CDH18: variants seen among roughly 807,000 people sequenced by gnomAD.
CDH18 encodes the protein cadherin-18.
CDH18 carries 31 observed loss-of-function variants against 67.9 expected under a neutral mutation model. That is an observed-to-expected ratio of 0.46 (90% confidence interval 0.34 to 0.62). CDH18 has a LOEUF of 0.62. Ranked by LOEUF, CDH18 falls within the 20% of genes least tolerant of loss-of-function variation. CDH18 has a pLI of 0.01. For missense variants in CDH18, 890 were observed against 975.5 expected, an observed-to-expected ratio of 0.91 and a Z score of 1.17; for synonymous variants, 362 against 347.2, an observed-to-expected ratio of 1.04 and a Z score of -0.48.
chr5:20,241,817 A>T (rs569761275), intron 2 of CDH18, among the ~76,000 whole-genome samples: 102 of 149,276 alleles, frequency 6.8e-4, no homozygotes, highest in Admixed American at 2.8e-3. Flanking sequence ...GCGCCACTGC[A>T]CTCCAGCCTG....
In CDH18 at chr5:19,528,564, A is replaced by G. The variant is rs141595234; in HGVS notation, c.1391-7786T>C. On this transcript the variant is annotated intron_variant, in intron 9 of 12. Coordinates refer to ENST00000382275, the MANE Select transcript of CDH18 (RefSeq NM_004934.5). ...ATGCATAATTATTCATCAAACTGCA[A>G]TCTCTCAATGTAGGAGTATGGACCT... Among the ~76,000 whole-genome samples the G allele has an allele frequency of 4.3e-3, 651 of 151,942 alleles. 8 individuals carry two copies. Among genetic ancestry groups the G allele is most frequent in the African/African-American group, 0.015 (608 of 41,550 alleles).
intron 1 of CDH18, among the ~76,000 whole-genome samples, chr5:20,420,319 CA>C (rs1747762829): frequency 6.6e-6 from 1 of 151,056 alleles, no homozygotes; most frequent in Admixed American, 6.6e-5. Context: ...TAAATCCATC[CA>C]CTAGAAATGA....
chr5:19,497,496 A>T lies in CDH18; in HGVS notation c.1630+5496T>A, dbSNP rs150318415. Among the ~76,000 whole-genome samples the T allele has an allele frequency of 2.6e-5, 4 of 152,314 alleles. No homozygotes were observed. The South Asian group carries it at 8.3e-4, about 32-fold the overall frequency. ...AACATGATGGAACATTAAAGAAGAC[A>T]TTTGTTCTGCAACGTTCAGGTGAAT... On this transcript the variant is annotated intron_variant, in intron 11 of 12. Transcript: ENST00000382275.
At chr5:20,202,744 C>A (rs1739551594) in intron 2 of CDH18, among the ~76,000 whole-genome samples, 1 of 151,810 alleles carries the variant, frequency 6.6e-6, no homozygotes, top group South Asian at 2.1e-4. Flanking sequence ...TTACCATTAG[C>A]TTTAATATTT....
At chr5:20,309,868 C>T (rs1344947081) in intron 1 of CDH18, among the ~76,000 whole-genome samples, 1 of 152,102 alleles carries the variant, frequency 6.6e-6, no homozygotes, top group East Asian at 1.9e-4. Context: ...AGTTCTGTCT[C>T]TATACTTTTT....
At chr5:19,488,995 T>C (rs1210876010) in intron 11 of CDH18, among the ~76,000 whole-genome samples, 1 of 152,128 alleles carries the variant, frequency 6.6e-6, no homozygotes, top group African/African-American at 2.4e-5. Flanking sequence ...TGTCATTATG[T>C]TCTGATCTGC....
intron 2 of CDH18, among the ~76,000 whole-genome samples, chr5:20,018,799 CTT>C (rs34748553): frequency 6.9e-6 from 1 of 144,594 alleles, no homozygotes; most frequent in Non-Finnish European, 1.5e-5. Flanking sequence ...ATAAGGCATT[CTT>C]TTTTTTTTTT....
At chr5:20,525,513 C>G (rs1012875807) in intron 1 of CDH18, among the ~76,000 whole-genome samples, 6 of 152,092 alleles carry the variant, frequency 3.9e-5, no homozygotes, top group Non-Finnish European at 8.8e-5. Flanking sequence ...TATGCCTGCC[C>G]TGCCTTCTTC....
At chr5:19,970,156 CAAG>C in intron 2 of CDH18, among the ~76,000 whole-genome samples, 1 of 150,842 alleles carries the variant, frequency 6.6e-6, no homozygotes, top group East Asian at 1.9e-4. Flanking sequence ...TCCAGGGCAG[CAAG>C]AATAAAAAAG....
chr5:19,629,647 C>T (rs527737487), intron 5 of CDH18, among the ~76,000 whole-genome samples: 20 of 152,200 alleles, frequency 1.3e-4, no homozygotes, highest in South Asian at 4.1e-4. Flanking sequence ...CTGGATATTT[C>T]GACTGCATAT....
chr5:19,973,199 A>G (rs1340788425), intron 2 of CDH18, among the ~76,000 whole-genome samples: 2 of 152,140 alleles, frequency 1.3e-5, no homozygotes, highest in Non-Finnish European at 2.9e-5. Context: ...TTTTCAATGG[A>G]AAAATACTGT....
intron 2 of CDH18, among the ~76,000 whole-genome samples, chr5:20,217,345 A>C (rs1740862396): frequency 6.6e-6 from 1 of 152,042 alleles, no homozygotes; most frequent in Non-Finnish European, 1.5e-5. Flanking sequence ...ATACAATGAG[A>C]TACAACAGAA....
intron 3 of CDH18, among the ~76,000 whole-genome samples, chr5:19,828,717 G>A (rs1045202602): frequency 2.0e-5 from 3 of 152,094 alleles, no homozygotes; most frequent in African/African-American, 4.8e-5. Flanking sequence ...CTCAACAAAC[G>A]AGGCACTGAA....
At chr5:19,667,507 T>TATAC (rs375306723) in intron 5 of CDH18, among the ~76,000 whole-genome samples, 2,738 of 129,174 alleles carry the variant, frequency 0.021, 33 homozygotes, top group Middle Eastern at 0.024. Flanking sequence ...TATATATATA[T>TATAC]ACACACACAC....
intron 1 of CDH18, among the ~76,000 whole-genome samples, chr5:20,295,603 T>C (rs1467871168): frequency 6.6e-6 from 1 of 151,676 alleles, no homozygotes; most frequent in East Asian, 2.0e-4. Flanking sequence ...GGCGTGCACC[T>C]GTAGTCCCGG....
chr5:20,295,872 CT>C (rs35024141), intron 1 of CDH18, among the ~76,000 whole-genome samples: 40,210 of 108,620 alleles, frequency 0.37, 3,892 homozygotes, highest in Middle Eastern at 0.53. Context: ...TCTTTTTTTT[CT>C]TTTTTTTTTT....
intron 3 of CDH18, among the ~76,000 whole-genome samples, chr5:19,787,269 A>T (rs1292300902): frequency 2.0e-5 from 3 of 152,054 alleles, no homozygotes; most frequent in African/African-American, 7.3e-5. Flanking sequence ...CGTGGTCAAC[A>T]AAGTGAAACC....
At position 20,384,906 on chromosome 5, in the gene CDH18, G is replaced by A. The variant is rs374911558; in HGVS notation, c.-579-129401C>T. On this transcript the variant is annotated intron_variant, in intron 1 of 14. Coordinates refer to the CDH18 transcript ENST00000507958. ...GGCTGGAGTGCAGTGGTGTGATCGC[G>A]GCTCGCTGCAACCTCCGCCTCCCGG... Among the ~76,000 whole-genome samples, 6 of 152,084 alleles carry A rather than the reference G, an allele frequency of 3.9e-5. No homozygotes were observed. In the East Asian group the frequency reaches 5.8e-4, roughly 15 times the overall value.
At chr5:19,927,467 T>C (rs547530980) in intron 2 of CDH18, among the ~76,000 whole-genome samples, 16 of 152,274 alleles carry the variant, frequency 1.1e-4, no homozygotes, top group Admixed American at 8.5e-4. Context: ...CTCCAGATAC[T>C]GAATTCTTAA....
Sources: gnomAD v4.1 joint callset for allele counts (sites outside exome capture counted in the v4.1 genomes callset) on GRCh38, gnomAD v4.1.1 for gene constraint, MANE v1.5 for transcripts, NCBI Gene and HGNC (gene_info 2026-07-23, HGNC 2026-07-21) for gene names.